The following HIBCH variants were observed in gnomAD, a reference collection of about 807,000 sequenced individuals.
HIBCH encodes 3-hydroxyisobutyryl-CoA hydrolase, mitochondrial.
In HIBCH, 50 loss-of-function variants were observed where a neutral mutation model predicts 58.2. That is an observed-to-expected ratio of 0.86 (90% CI 0.68 to 1.09). HIBCH has a LOEUF of 1.09. Ranked by LOEUF, HIBCH falls within the 50% of genes least tolerant of loss-of-function variation. The probability of loss-of-function intolerance (pLI) is 0.00; values close to 1 mark genes in which losing one functional copy is unlikely to be tolerated. For missense variants in HIBCH, 450 were observed against 449.7 expected (o/e 1.00, Z -0.01); for synonymous variants, 151 against 146.9 (o/e 1.03, Z -0.20).
intron 9 of HIBCH, 73 bp from the exon 10 acceptor site, chr2:190,246,285 TAC>T (rs756400825): frequency 1.2e-5 from 10 of 842,462 alleles, no homozygotes; most frequent in South Asian, 3.0e-5. Flanking sequence ...TATTTAATGA[TAC>T]ACTTTGTGAA....
chr2:190,287,794 AT>A (rs1687868644), intron 5 of HIBCH, among the ~76,000 whole-genome samples, 156 bp from the exon 6 acceptor site: 1 of 152,196 alleles, frequency 6.6e-6, no homozygotes, highest in Non-Finnish European at 1.5e-5. Context: ...TAAAATACAT[AT>A]TTTTAAATGT....
At chr2:190,266,282 G>A (rs1687232136) in intron 6 of HIBCH, among the ~76,000 whole-genome samples, 1 of 152,126 alleles carries the variant, frequency 6.6e-6, no homozygotes, top group Non-Finnish European at 1.5e-5. Context: ...CAAATAATGT[G>A]TGTGCATATA....
intron 5 of HIBCH, 95 bp downstream of exon 5, chr2:190,290,310 G>A: frequency 2.4e-6 from 2 of 839,540 alleles, no homozygotes; most frequent in South Asian, 2.8e-5. Flanking sequence ...AAAAGTTTAA[G>A]TAAGGATGCC....
At chr2:190,193,465 TTTAGA>T (rs1047648123) in intron 1 of HIBCH, among the ~76,000 whole-genome samples, 28 of 152,086 alleles carry the variant, frequency 1.8e-4, no homozygotes, top group African/African-American at 5.1e-4. Flanking sequence ...TTCTGAAGAG[TTTAGA>T]TAAGACTGGT....
In HIBCH at chr2:190,314,370, CGTATATATGT is replaced by C. The variant is rs1688655584; in HGVS notation, c.36-3584_36-3575del. 4.8e-5 allele frequency among the ~76,000 whole-genome samples: 4 copies of C among 83,736 alleles called. No homozygotes were observed. In the East Asian group the frequency reaches 7.0e-4, roughly 15 times the overall value. The allele number at this position is 83,736 out of a possible 152,430, so 54.9% of individuals were successfully genotyped here. On this transcript the variant is annotated intron_variant, in intron 1 of 13. Coordinates refer to ENST00000359678, the MANE Select transcript of HIBCH (RefSeq NM_014362.4). ...ATGTGTATATATACGTATATATATA[CGTATATATGT>C]GTATATATATGTATATATATACGTA...
Position 190,290,489 on chromosome 2 carries a change from G to T in HIBCH, c.305-4C>A. 1 of 1,584,514 alleles carries T rather than the reference G, an allele frequency of 6.3e-7. No individual in the cohort carries two copies. The highest frequency in any genetic ancestry group is 8.7e-7 in the Non-Finnish European group (1 of 1,155,362). On this transcript the variant is annotated splice_polypyrimidine_tract_variant and splice_region_variant and intron_variant, in intron 4 of 13. Coordinates refer to ENST00000359678, the MANE Select transcript of HIBCH (RefSeq NM_014362.4). ...GCCTTTTCAGCTTCCGAGATCACTA[G>T]GAAGGAAAGATTACAAATAAAAAAA...
intron 7 of HIBCH, 103 bp from the exon 8 acceptor site, chr2:190,252,410 G>T: frequency 1.1e-6 from 1 of 935,676 alleles, no homozygotes. Context: ...TCTGGAGCTT[G>T]AATATACATT....
intron 2 of HIBCH, among the ~76,000 whole-genome samples, chr2:190,309,543 C>A (rs999314476): frequency 6.6e-6 from 1 of 151,890 alleles, no homozygotes; most frequent in African/African-American, 2.4e-5. Context: ...TGTCATATGC[C>A]ATGCACTATG....
At chr2:190,191,188 A>G (rs1289602630) in intron 1 of HIBCH, among the ~76,000 whole-genome samples, 1 of 152,014 alleles carries the variant, frequency 6.6e-6, no homozygotes, top group East Asian at 1.9e-4. Flanking sequence ...CCCAGGCTGG[A>G]GTGCAGTTGC....
intron 7 of HIBCH, among the ~76,000 whole-genome samples, chr2:190,257,503 A>G (rs1229900923): frequency 6.6e-6 from 1 of 152,150 alleles, no homozygotes; most frequent in Admixed American, 6.5e-5. Context: ...TAGATTGATC[A>G]GGAAAAAAAA....
rs772509463 is a variant in HIBCH, at chr2:190,213,032, C to T, written c.935G>A (p.Arg312Lys). The change falls in exon 12 of 14, where the codon AGG becomes AAG. Residue 312 changes from arginine to lysine, a missense_variant. Arg to Lys is a conservative substitution (Grantham distance 26). Transcript: ENST00000359678. Reference protein sequence around the residue: ...MSPTSLKITLRQLMEGSSKTL... With the variant: ...MSPTSLKITLKQLMEGSSKTL... ...CTTTGAAGACCCCTCCATGAGTTGC[C>T]TTAGTGTGATCTTTAGAGATGTTGG... The T allele has an allele frequency of 1.9e-6, 3 of 1,610,240 alleles. No homozygotes were observed. The highest frequency in any genetic ancestry group is 2.2e-5 in the East Asian group (1 of 44,796).
intron 11 of HIBCH, among the ~76,000 whole-genome samples, chr2:190,233,380 A>G (rs991066611): frequency 6.6e-6 from 1 of 152,162 alleles, no homozygotes; most frequent in Admixed American, 6.5e-5. Context: ...GTGAAAGGTA[A>G]TTGAATCACA....
At chr2:190,291,306 T>C (rs1687951738) in intron 4 of HIBCH, among the ~76,000 whole-genome samples, 1 of 152,202 alleles carries the variant, frequency 6.6e-6, no homozygotes, top group African/African-American at 2.4e-5. Flanking sequence ...TTTAGACTGA[T>C]ACTAAAACAT....
In HIBCH at chr2:190,294,556, A is replaced by C; in HGVS notation, c.294T>G (p.Gly98=). The C allele has an allele frequency of 1.2e-6, 2 of 1,611,428 alleles. No individual in the cohort carries two copies. The highest frequency in any genetic ancestry group is 1.7e-6 in the Non-Finnish European group (2 of 1,178,586). ...GGGAAAAGTCTTTACCTCTGATATC[A>C]CCCCCGGCACAGAAAGCCTTTCCTC... ...GAGGKAFCAG[G]DIRVISEAEK... The change falls in exon 4 of 14, where the codon GGT becomes GGG. Residue 98 remains glycine (G), a synonymous_variant. Transcript: ENST00000359678.
chr2:190,290,516 A>G lies in HIBCH; in HGVS notation c.305-31T>C, dbSNP rs753065542. 1.7e-5 allele frequency: 24 copies of G among 1,418,134 alleles called. No homozygotes were observed. In the Admixed American group the frequency reaches 2.2e-4, roughly 13 times the overall value. The allele number at this position is 1,418,134 out of a possible 1,614,324, so 87.8% of individuals were successfully genotyped here. A position where few individuals can be genotyped will look rare whatever the true frequency, so the allele number is the denominator to read the frequency against. On this transcript the variant is annotated intron_variant, in intron 4 of 13. Transcript: ENST00000359678. The stretch of plus-strand genomic sequence containing the variant: ...AAGGAAAGATTACAAATAAAAAAAA[A>G]AAGATTTAATAGTCAACATTGTCAA...
In HIBCH at chr2:190,215,892, GAGTC is replaced by G; in HGVS notation, c.892-2821_892-2818del. Reference sequence around the variant, plus strand: ...AGGTGTGCTGGTGCCCAGAGAAAAAGAGTCAGAACTGTCTGTCAGACACGGGGGA... The same window carrying G: ...AGGTGTGCTGGTGCCCAGAGAAAAAGAGAACTGTCTGTCAGACACGGGGGA... On this transcript the variant is annotated intron_variant, in intron 11 of 13. Coordinates refer to ENST00000359678, the MANE Select transcript of HIBCH (RefSeq NM_014362.4). This position sits in a 1 kb window ranked among gnomAD's most constrained non-coding sequence, Gnocchi z 4.4. 6.6e-6 allele frequency: 1 copy of G among 152,598 alleles called. No individual in the cohort carries two copies. The highest frequency in any genetic ancestry group is 1.5e-5 in the Non-Finnish European group (1 of 68,308). 9.5% of individuals were successfully genotyped at this position (152,598 alleles called of 1,614,324 possible). A position where few individuals can be genotyped will look rare whatever the true frequency, so the allele number is the denominator to read the frequency against.
chr2:190,202,499 TATC>T (rs1437092990), downstream of HIBCH: 3 of 167,190 alleles, frequency 1.8e-5, no homozygotes, highest in South Asian at 2.1e-4. Context: ...ATGTGATAGT[TATC>T]ATGGTATGGC....
At chr2:190,192,474 G>C (rs1046358150) in intron 1 of HIBCH, among the ~76,000 whole-genome samples, 1 of 148,718 alleles carries the variant, frequency 6.7e-6, no homozygotes, top group African/African-American at 2.6e-5. Flanking sequence ...GTGTGTGTGT[G>C]TGTGTGTGTG....
chr2:190,237,806 G>A (rs11685119), intron 11 of HIBCH, among the ~76,000 whole-genome samples: 34,650 of 151,622 alleles, frequency 0.23, 4,141 homozygotes, highest in East Asian at 0.32. Context: ...TTCTCCTAAT[G>A]CTCTCCCCCT....
Sources: allele counts gnomAD v4.1 joint callset (sites outside exome capture counted in the v4.1 genomes callset), GRCh38; gene constraint gnomAD v4.1.1; non-coding constraint Gnocchi (gnomAD v3.1); transcripts MANE v1.5; gene names NCBI Gene and HGNC (gene_info 2026-07-23, HGNC 2026-07-21).